The following CDS2 variants were observed in gnomAD, a reference collection of about 807,000 sequenced individuals.
CDS2 encodes phosphatidate cytidylyltransferase 2.
In CDS2, 47 loss-of-function variants were observed where a neutral mutation model predicts 59.0. The ratio of observed to expected loss-of-function variants is 0.80; its 90% CI spans 0.63 to 1.02. CDS2 has a LOEUF of 1.02. CDS2 is among the 50% of genes least tolerant of loss of function. The pLI, the probability that CDS2 is intolerant of heterozygous loss-of-function variation, is 0.00. For synonymous variants in CDS2, 207 were observed against 206.4 expected (o/e 1.00, Z -0.02); for missense variants, 356 against 558.9 (o/e 0.64, Z 3.66).
intron 1 of CDS2, among the ~76,000 whole-genome samples, chr20:5,144,376 ATATAT>A (rs1340896490): frequency 4.6e-5 from 7 of 152,128 alleles, no homozygotes; most frequent in African/African-American, 1.2e-4. Flanking sequence ...AGTTTGGGTG[ATATAT>A]TATATGGCCC....
chr20:5,166,014 C>T lies in CDS2; in HGVS notation c.58-7509C>T, dbSNP rs144428066. ...ATTTTGAAGACCTGTCATCTAGGTA[C>T]TGGGGAGCTGTGGAAGGGGTTCAGG... On this transcript the variant is annotated intron_variant, in intron 1 of 12. Coordinates refer to ENST00000460006, the MANE Select transcript of CDS2 (RefSeq NM_003818.4). Among the ~76,000 whole-genome samples the T allele has an allele frequency of 3.2e-3, 489 of 152,200 alleles. 1 individual carries two copies. The highest frequency in any genetic ancestry group is 5.8e-3 in the Non-Finnish European group (392 of 68,014).
intron 1 of CDS2, among the ~76,000 whole-genome samples, chr20:5,135,532 A>T (rs2122953964): frequency 6.6e-6 from 1 of 152,258 alleles, no homozygotes; most frequent in South Asian, 2.1e-4. Context: ...TCCTTGAAAG[A>T]ATGCTAATTT....
At chr20:5,136,777 T>C (rs1006156174) in intron 1 of CDS2, among the ~76,000 whole-genome samples, 6 of 152,202 alleles carry the variant, frequency 3.9e-5, no homozygotes, top group African/African-American at 1.4e-4. Context: ...TGTAGTCTTC[T>C]GTCTCTCATT....
chr20:5,178,790 A>G (rs1204280901), intron 4 of CDS2, 27 bp from the exon 5 acceptor site: 3 of 1,613,742 alleles, frequency 1.9e-6, no homozygotes, highest in South Asian at 1.1e-5. Context: ...GGTGCTCCCC[A>G]CGGCAATGAC....
intron 1 of CDS2, among the ~76,000 whole-genome samples, chr20:5,138,725 A>G (rs1292237873): frequency 1.3e-5 from 2 of 151,858 alleles, no homozygotes; most frequent in African/African-American, 4.8e-5. Flanking sequence ...ACCTCAGGTG[A>G]TCCACATGCC....
chr20:5,131,845 C>G (rs1316101933), intron 1 of CDS2, among the ~76,000 whole-genome samples: 1 of 152,218 alleles, frequency 6.6e-6, no homozygotes, highest in Non-Finnish European at 1.5e-5. Context: ...ATGTGCTTTA[C>G]AGGATATTCA....
chr20:5,186,896 A>G (rs1441761438), intron 10 of CDS2, 57 bp downstream of exon 10: 1 of 1,576,784 alleles, frequency 6.3e-7, no homozygotes, highest in Non-Finnish European at 8.7e-7. Context: ...ACAAAGAGAG[A>G]TCCCCCTCCA....
At chr20:5,166,300 C>T (rs185523042) in intron 1 of CDS2, among the ~76,000 whole-genome samples, 13 of 152,232 alleles carry the variant, frequency 8.5e-5, no homozygotes, top group Admixed American at 8.5e-4. Flanking sequence ...GGGTGATGGC[C>T]ACCTTGTTCT....
At chr20:5,151,389 A>AATTAATG (rs1366316425) in intron 1 of CDS2, among the ~76,000 whole-genome samples, 1 of 152,188 alleles carries the variant, frequency 6.6e-6, no homozygotes, top group Non-Finnish European at 1.5e-5. Context: ...AGTAGATAAA[A>AATTAATG]ATTAATGTTT....
In CDS2 at chr20:5,192,589, A is replaced by AT. The variant is rs2091125310; in HGVS notation, c.*2356dup. On this transcript the variant is annotated 3_prime_UTR_variant, in exon 13 of 13. Transcript: ENST00000460006. ...ACCATTTTTACGTGTGTACATTCAA[A>AT]TCTTCATGAATGGCATCACTTGCTT... 1 of 152,088 alleles carries AT rather than the reference A, an allele frequency of 6.6e-6. No individual in the cohort carries two copies. The allele number at this position is 152,088 out of a possible 1,614,324, so 9.4% of individuals were successfully genotyped here.
At chr20:5,165,765 T>G (rs2090909070) in intron 1 of CDS2, among the ~76,000 whole-genome samples, 3 of 152,004 alleles carry the variant, frequency 2.0e-5, no homozygotes, top group Admixed American at 6.5e-5. Flanking sequence ...TGGGGAAGAT[T>G]TGGAGAGAAA....
intron 1 of CDS2, among the ~76,000 whole-genome samples, chr20:5,166,228 G>A (rs965601271): frequency 3.3e-5 from 5 of 152,212 alleles, no homozygotes; most frequent in African/African-American, 4.8e-5. Context: ...ACTGAAAGCT[G>A]TTTTGGAGGT....
rs974368230 is a variant in CDS2 at position 5,197,397 on chromosome 20, C to G, written c.*7163C>G. The stretch of plus-strand genomic sequence containing the variant: ...TGGGAGTGCCAGGCATCCCATGGGA[C>G]CCATCACTGCCAGTGTCTGTGCCTC... On this transcript the variant is annotated 3_prime_UTR_variant, in exon 13 of 13. Coordinates refer to ENST00000460006, the MANE Select transcript of CDS2 (RefSeq NM_003818.4). The G allele has an allele frequency of 3.3e-5, 5 of 151,682 alleles. No homozygotes were observed. Among genetic ancestry groups the G allele is most frequent in the African/African-American group, 1.2e-4 (5 of 41,194 alleles). The allele number at this position is 151,682 out of a possible 1,614,324, so 9.4% of individuals were successfully genotyped here. A position where few individuals can be genotyped will look rare whatever the true frequency, so the allele number is the denominator to read the frequency against.
At chr20:5,158,164 C>CTTTTT (rs397865587) in intron 1 of CDS2, among the ~76,000 whole-genome samples, 2 of 107,874 alleles carry the variant, frequency 1.9e-5, no homozygotes, top group African/African-American at 3.4e-5. Flanking sequence ...TGCTTTAGGT[C>CTTTTT]TTTTTTTTTT....
chr20:5,167,838 T>C (rs2090924147), intron 1 of CDS2, among the ~76,000 whole-genome samples: 1 of 152,194 alleles, frequency 6.6e-6, no homozygotes, highest in Non-Finnish European at 1.5e-5. Context: ...TATAAAGCAG[T>C]GCAAAAAATT....
At chr20:5,136,488 G>A (rs911785689) in intron 1 of CDS2, among the ~76,000 whole-genome samples, 1 of 152,130 alleles carries the variant, frequency 6.6e-6, no homozygotes, top group Non-Finnish European at 1.5e-5. Context: ...TATTGTAAAT[G>A]CCTGCAGTAT....
chr20:5,185,621 A>G, intron 8 of CDS2, 137 bp from the exon 9 acceptor site: 1 of 689,464 alleles, frequency 1.5e-6, no homozygotes. Flanking sequence ...AGGAAACCAT[A>G]TTTGGGGGAG....
In CDS2 at chr20:5,196,140, C is replaced by T. The variant is rs1214009887; in HGVS notation, c.*5906C>T. The T allele has an allele frequency of 6.6e-6, 1 of 152,076 alleles. No individual in the cohort carries two copies. The highest frequency in any genetic ancestry group is 1.5e-5 in the Non-Finnish European group (1 of 68,028). 9.4% of individuals were successfully genotyped at this position (152,076 alleles called of 1,614,324 possible). A position where few individuals can be genotyped will look rare whatever the true frequency, so the allele number is the denominator to read the frequency against. On this transcript the variant is annotated 3_prime_UTR_variant, in exon 13 of 13. Coordinates refer to ENST00000460006, the MANE Select transcript of CDS2 (RefSeq NM_003818.4). ...CTATTAATAGTATGGAAATAATGGT[C>T]CCTCTGTTTCATTGAATTGCTGAAG...
At chr20:5,189,028 T>G in intron 10 of CDS2, 39 bp from the exon 11 acceptor site, 2 of 1,613,332 alleles carry the variant, frequency 1.2e-6, no homozygotes, top group South Asian at 1.1e-5. Flanking sequence ...ACACTGGGCA[T>G]GTATGCACCT....
Sources: gnomAD v4.1 joint callset for allele counts (sites outside exome capture counted in the v4.1 genomes callset) on GRCh38, gnomAD v4.1.1 for gene constraint, MANE v1.5 for transcripts, NCBI Gene and HGNC (gene_info 2026-07-23, HGNC 2026-07-21) for gene names.